SLC22A25: variants seen among roughly 807,000 people sequenced by gnomAD.
The protein encoded by SLC22A25 is solute carrier family 22 member 25.
A neutral mutation model predicts 45.9 loss-of-function variants in SLC22A25; 44 were observed. That is an observed-to-expected ratio of 0.96 (90% CI 0.75 to 1.23). The LOEUF (loss-of-function observed/expected upper bound fraction) is 1.23, where lower values mean the gene tolerates loss of function less well. Among genes scored for constraint, SLC22A25 ranks in the 50% most tolerant of loss-of-function variants. The probability of loss-of-function intolerance (pLI) is 0.00; values close to 1 mark genes in which losing one functional copy is unlikely to be tolerated. For missense variants in SLC22A25, 800 were observed against 666.4 expected, an observed-to-expected ratio of 1.20 and a Z score of -2.21; for synonymous variants, 283 against 238.6, an observed-to-expected ratio of 1.19 and a Z score of -1.72.
chr11:63,174,679 C>T (rs922255105), intron 9 of SLC22A25, among the ~76,000 whole-genome samples: 2 of 152,138 alleles, frequency 1.3e-5, no homozygotes, highest in East Asian at 3.9e-4. Context: ...AACACGAGTT[C>T]TGCCCTGTTA....
chr11:63,199,933 T>C (rs1036671843), intron 7 of SLC22A25, among the ~76,000 whole-genome samples: 2 of 152,062 alleles, frequency 1.3e-5, no homozygotes, highest in Non-Finnish European at 2.9e-5. Context: ...TCTTGCAAGA[T>C]CACCATTGAA....
At chr11:63,177,385 TC>T in intron 9 of SLC22A25, among the ~76,000 whole-genome samples, 1 of 144,652 alleles carries the variant, frequency 6.9e-6, no homozygotes, top group African/African-American at 2.6e-5. Context: ...TGTGTGTGTG[TC>T]GAGAACATTT....
At chr11:63,226,996 TG>T (rs1173654587) in intron 5 of SLC22A25, among the ~76,000 whole-genome samples, 1 of 152,118 alleles carries the variant, frequency 6.6e-6, no homozygotes, top group African/African-American at 2.4e-5. Flanking sequence ...TTGGTCAGCT[TG>T]TGGTGAATGC....
At chr11:63,243,243 GTAC>G (rs1383077146) in intron 1 of SLC22A25, 188 bp downstream of exon 1, 125 of 352,892 alleles carry the variant, frequency 3.5e-4, no homozygotes, top group Non-Finnish European at 6.2e-4. Flanking sequence ...CCATCCAGCC[GTAC>G]ATGCACAGGA....
At chr11:63,194,792 C>T (rs1388904589) in intron 7 of SLC22A25, among the ~76,000 whole-genome samples, 1 of 150,050 alleles carries the variant, frequency 6.7e-6, no homozygotes, top group Admixed American at 6.7e-5. Context: ...AGTCAAGACT[C>T]ATCAGTGTGT....
In SLC22A25 at chr11:63,164,460, G is replaced by C. The variant is rs1565056853; in HGVS notation, c.1394+66C>G. 2.9e-6 allele frequency: 4 copies of C among 1,362,394 alleles called. No homozygotes were observed. In the Admixed American group the frequency reaches 7.5e-5, roughly 25 times the overall value. 84.4% of individuals were successfully genotyped at this position (1,362,394 alleles called of 1,614,324 possible). A position where few individuals can be genotyped will look rare whatever the true frequency, so the allele number is the denominator to read the frequency against. ...AACTTGTCTTGGATTTTTTTCCCTT[G>C]TTAAGTGTCAATTGGTTGAGACAGG... On this transcript the variant is annotated intron_variant, in intron 11 of 11. Coordinates refer to ENST00000306494, the MANE Select transcript of SLC22A25 (RefSeq NM_199352.6).
intron 7 of SLC22A25, among the ~76,000 whole-genome samples, chr11:63,187,496 G>T (rs1490951751): frequency 6.6e-6 from 1 of 152,174 alleles, no homozygotes; most frequent in Non-Finnish European, 1.5e-5. Flanking sequence ...TGCAAAGAGG[G>T]ACAATTTGAC....
At chr11:63,197,809 T>G (rs891674270) in intron 7 of SLC22A25, among the ~76,000 whole-genome samples, 1 of 149,940 alleles carries the variant, frequency 6.7e-6, no homozygotes, top group African/African-American at 2.5e-5. Flanking sequence ...GGGAGAAAAT[T>G]TTGGCAATCT....
At chr11:63,218,339 G>C (rs1026793568) in intron 5 of SLC22A25, 1 of 251,858 alleles carries the variant, frequency 4.0e-6, no homozygotes, top group Admixed American at 5.0e-5. Context: ...TAGATGCTGG[G>C]GACTACAAGA....
chr11:63,230,702 C>T (rs754929205), intron 3 of SLC22A25, among the ~76,000 whole-genome samples: 1 of 152,104 alleles, frequency 6.6e-6, no homozygotes, highest in African/African-American at 2.4e-5. Flanking sequence ...GCACAACGTG[C>T]AGATTTGTTA....
Position 63,243,499 on chromosome 11 carries a change from C to A in SLC22A25, c.-1061G>T. 1.3e-6 allele frequency: 1 copy of A among 762,728 alleles called. No homozygotes were observed. 47.2% of individuals were successfully genotyped at this position (762,728 alleles called of 1,614,324 possible). On this transcript the variant is annotated 5_prime_UTR_variant, in exon 1 of 12. An upstream start codon of the reference 5' UTR is lost. Transcript: ENST00000306494. ...ATCTGCAACTCCTGGGTGCTGTCTG[C>A]ATGTTCCTGGCCTCCAGGCTCAAAG...
intron 7 of SLC22A25, among the ~76,000 whole-genome samples, chr11:63,190,735 T>C (rs1419454094): frequency 6.6e-6 from 1 of 152,222 alleles, no homozygotes; most frequent in African/African-American, 2.4e-5. Context: ...GGTGTGGATG[T>C]CCTTTCTGTT....
At chr11:63,240,530 C>G (rs1328882306) in intron 1 of SLC22A25, among the ~76,000 whole-genome samples, 1 of 152,056 alleles carries the variant, frequency 6.6e-6, no homozygotes, top group Admixed American at 6.6e-5. Context: ...ACTTTATAAA[C>G]TTTTTAGTTT....
chr11:63,206,635 G>T lies in SLC22A25; in HGVS notation c.830+10679C>A, dbSNP rs373682406. Among the ~76,000 whole-genome samples, 30 of 152,250 alleles carry T rather than the reference G, an allele frequency of 2.0e-4. No homozygotes were observed. The East Asian group carries it at 3.7e-3, about 19-fold the overall frequency. ...CAAACCACTGCTCAAGGAAATAAGA[G>T]AAAATACAAACAATGGAAAAATATT... On this transcript the variant is annotated intron_variant, in intron 7 of 11. Transcript: ENST00000306494.
chr11:63,174,279 A>G (rs1462021217), intron 9 of SLC22A25, among the ~76,000 whole-genome samples: 1 of 152,036 alleles, frequency 6.6e-6, no homozygotes, highest in East Asian at 1.9e-4. Flanking sequence ...TATGTGCCAC[A>G]TTTTCTTAAT....
At position 63,160,408 on chromosome 11, in the gene SLC22A25, T is replaced by C. The variant is rs919194323; in HGVS notation, c.*3416A>G. On this transcript the variant is annotated 3_prime_UTR_variant, in exon 12 of 12. Transcript: ENST00000306494. ...CCAAGCCTTGACAGCTTCCATGTGG[T>C]GTTGAGCCTACAGGTGCAAAGAAGT... 6.6e-6 allele frequency among the ~76,000 whole-genome samples: 1 copy of C among 152,146 alleles called. No individual in the cohort carries two copies.
At chr11:63,211,198 T>C (rs1312396245) in intron 7 of SLC22A25, among the ~76,000 whole-genome samples, 2 of 152,100 alleles carry the variant, frequency 1.3e-5, no homozygotes, top group Non-Finnish European at 2.9e-5. Context: ...TATGAGTCCG[T>C]CAATACCCAC....
intron 3 of SLC22A25, among the ~76,000 whole-genome samples, chr11:63,233,024 G>T (rs1359105380): frequency 6.6e-6 from 1 of 152,172 alleles, no homozygotes; most frequent in Non-Finnish European, 1.5e-5. Context: ...TGTGCTGCTG[G>T]ATTCGGTTTG....
intron 7 of SLC22A25, among the ~76,000 whole-genome samples, chr11:63,216,838 T>TAA (rs35008097): frequency 1.2e-3 from 183 of 152,056 alleles, no homozygotes; most frequent in Non-Finnish European, 2.1e-3. Context: ...GATTTTCTTA[T>TAA]AAAAAAAGTG....
Sources: gnomAD v4.1 joint callset for allele counts (sites outside exome capture counted in the v4.1 genomes callset) on GRCh38, gnomAD v4.1.1 for gene constraint, MANE v1.5 for transcripts, NCBI Gene and HGNC (gene_info 2026-07-23, HGNC 2026-07-21) for gene names.